ATP13A3: variants seen among roughly 807,000 people sequenced by gnomAD.
The protein encoded by ATP13A3 is ATPase 13A3.
A neutral mutation model predicts 158.1 loss-of-function variants in ATP13A3; 59 were observed. That is an observed-to-expected ratio of 0.37 (90% confidence interval 0.30 to 0.46). The LOEUF (loss-of-function observed/expected upper bound fraction) is 0.46, where lower values mean the gene tolerates loss of function less well. Ranked by LOEUF, ATP13A3 falls within the 20% of genes least tolerant of loss-of-function variation. The pLI, the probability that ATP13A3 is intolerant of heterozygous loss-of-function variation, is 1.00. For missense variants in ATP13A3, 1,166 were observed against 1,525.2 expected, an observed-to-expected ratio of 0.76 and a Z score of 3.92; for synonymous variants, 491 against 504.3, an observed-to-expected ratio of 0.97 and a Z score of 0.35.
chr3:194,455,459 G>C (rs573748008), intron 8 of ATP13A3, among the ~76,000 whole-genome samples: 7 of 152,286 alleles, frequency 4.6e-5, no homozygotes, highest in Non-Finnish European at 7.4e-5. Context: ...CTAAAGATCA[G>C]AGCTAGTTAC....
chr3:194,419,462 G>A (rs898257669), intron 31 of ATP13A3, among the ~76,000 whole-genome samples: 23 of 152,146 alleles, frequency 1.5e-4, no homozygotes, highest in African/African-American at 4.8e-4. Flanking sequence ...ACTTAAATAT[G>A]TGTGCATATT....
chr3:194,467,035 T>C (rs1720035229), intron 2 of ATP13A3, among the ~76,000 whole-genome samples: 1 of 152,244 alleles, frequency 6.6e-6, no homozygotes, highest in Non-Finnish European at 1.5e-5. Context: ...TGTTGGTTTT[T>C]GAATCTTACT....
chr3:194,475,267 T>C (rs1720477077), intron 2 of ATP13A3, among the ~76,000 whole-genome samples: 1 of 152,232 alleles, frequency 6.6e-6, no homozygotes, highest in South Asian at 2.1e-4. Flanking sequence ...ACTTCAGAAT[T>C]ACTGTGCAAT....
intron 4 of ATP13A3, among the ~76,000 whole-genome samples, chr3:194,460,397 A>T (rs1719563485): frequency 6.6e-6 from 1 of 152,196 alleles, no homozygotes; most frequent in South Asian, 2.1e-4. Flanking sequence ...CAGCACCGTA[A>T]CAGACAAGTA....
chr3:194,460,894 A>C, intron 3 of ATP13A3, 63 bp from the exon 4 acceptor site: 1 of 1,509,896 alleles, frequency 6.6e-7, no homozygotes, highest in Non-Finnish European at 9.0e-7. Context: ...GCAGAGAAAC[A>C]CATTCCAAAG....
At chr3:194,493,519 C>T (rs867294010) in intron 2 of ATP13A3, among the ~76,000 whole-genome samples, 3 of 151,874 alleles carry the variant, frequency 2.0e-5, no homozygotes, top group Middle Eastern at 3.4e-3. Context: ...TGATGTCAGG[C>T]ACCTATAATC....
intron 8 of ATP13A3, among the ~76,000 whole-genome samples, chr3:194,455,601 A>C (rs1241684375): frequency 1.3e-5 from 2 of 152,196 alleles, no homozygotes; most frequent in Non-Finnish European, 2.9e-5. Context: ...AAAAGTGTTC[A>C]CCTAATACAA....
intron 8 of ATP13A3, among the ~76,000 whole-genome samples, 198 bp from the exon 9 acceptor site, chr3:194,454,590 A>G (rs552988908): frequency 6.6e-6 from 1 of 151,708 alleles, no homozygotes; most frequent in Non-Finnish European, 1.5e-5. Flanking sequence ...GCACTTTGGG[A>G]GGCCAAGGCG....
intron 2 of ATP13A3, among the ~76,000 whole-genome samples, chr3:194,484,547 A>C (rs1358476641): frequency 6.6e-6 from 1 of 150,622 alleles, no homozygotes; most frequent in Non-Finnish European, 1.5e-5. Flanking sequence ...ATAAGCAGTG[A>C]TGGGGACGCC....
chr3:194,414,803 G>A (rs1251449172), intron 31 of ATP13A3, among the ~76,000 whole-genome samples: 1 of 152,190 alleles, frequency 6.6e-6, no homozygotes, highest in Non-Finnish European at 1.5e-5. Flanking sequence ...AGAACATGAT[G>A]AGCTTAGTTC....
At chr3:194,472,737 G>A (rs915978357) in intron 2 of ATP13A3, among the ~76,000 whole-genome samples, 1 of 152,114 alleles carries the variant, frequency 6.6e-6, no homozygotes, top group Non-Finnish European at 1.5e-5. Flanking sequence ...GCAAAGACAT[G>A]GAATCAACCT....
intron 15 of ATP13A3, among the ~76,000 whole-genome samples, chr3:194,442,159 C>T (rs1229702742): frequency 6.6e-6 from 1 of 152,196 alleles, no homozygotes; most frequent in Non-Finnish European, 1.5e-5. Flanking sequence ...TTGATTACCA[C>T]TGGGGCTCTT....
chr3:194,414,615 G>A lies in ATP13A3; in HGVS notation c.3403-776C>T, dbSNP rs375861726. On this transcript the variant is annotated intron_variant, in intron 31 of 33. Coordinates refer to ENST00000645319, the MANE Select transcript of ATP13A3 (RefSeq NM_001367549.1). ...TTTCTAAGGCCTAAAAAATGGGATA[G>A]TTGTAAAGACAGAAAGGTTTATAAT... 1.1e-4 allele frequency among the ~76,000 whole-genome samples: 17 copies of A among 152,256 alleles called. No homozygotes were observed. The East Asian group carries it at 2.9e-3, about 26-fold the overall frequency.
chr3:194,434,671 C>T (rs1717489875), intron 20 of ATP13A3, among the ~76,000 whole-genome samples: 1 of 152,182 alleles, frequency 6.6e-6, no homozygotes, highest in South Asian at 2.1e-4. Flanking sequence ...AATCCCACCA[C>T]TTTGGGAGGC....
At position 194,420,131 on chromosome 3, in the gene ATP13A3, A is replaced by G. The variant is rs116681972; in HGVS notation, c.3314-164T>C. 1,501 of 695,330 alleles carry G rather than the reference A, an allele frequency of 2.2e-3. 18 individuals are homozygous for G. The African/African-American group carries it at 0.026, about 12-fold the overall frequency. The allele number at this position is 695,330 out of a possible 1,614,324, so 43.1% of individuals were successfully genotyped here. The stretch of plus-strand genomic sequence containing the variant: ...GCTCTGTTATCTCCTGGAGTATGAG[A>G]CATTGTTCGGGGCACCCAAAAGATT... On this transcript the variant is annotated intron_variant, in intron 30 of 33. Coordinates refer to ENST00000645319, the MANE Select transcript of ATP13A3 (RefSeq NM_001367549.1).
intron 30 of ATP13A3, among the ~76,000 whole-genome samples, chr3:194,421,736 T>C (rs955810887): frequency 4.6e-5 from 7 of 151,372 alleles, no homozygotes; most frequent in Non-Finnish European, 8.8e-5. Context: ...TGGTTGGAAG[T>C]ATATAAAAAC....
rs1177381188 is a variant in ATP13A3 at position 194,457,043 on chromosome 3, A to C, written c.560+51T>G. 3 of 1,367,820 alleles carry C rather than the reference A, an allele frequency of 2.2e-6. No homozygotes were observed. In the East Asian group the frequency reaches 6.9e-5, roughly 31 times the overall value. The allele number at this position is 1,367,820 out of a possible 1,614,324, so 84.7% of individuals were successfully genotyped here. ...TGGTAAAGGGTTGATTATGTATACT[A>C]CTGCTTTTAGGAATTTTGAGAAGAT... On this transcript the variant is annotated intron_variant, in intron 7 of 33. Transcript: ENST00000645319.
At chr3:194,465,285 T>G (rs1719920562) in intron 2 of ATP13A3, among the ~76,000 whole-genome samples, 1 of 152,072 alleles carries the variant, frequency 6.6e-6, no homozygotes, top group Non-Finnish European at 1.5e-5. Context: ...AAACTGGAAG[T>G]CTGGGGAAGC....
At chr3:194,413,064 T>G (rs1405679274) in intron 32 of ATP13A3, 6 of 152,252 alleles carry the variant, frequency 3.9e-5, no homozygotes, top group African/African-American at 1.4e-4. Context: ...ATAGTTACTG[T>G]AAGAGTCAAT....
Sources: gnomAD v4.1 joint callset for allele counts (sites outside exome capture counted in the v4.1 genomes callset) on GRCh38, gnomAD v4.1.1 for gene constraint, MANE v1.5 for transcripts, NCBI Gene and HGNC (gene_info 2026-07-23, HGNC 2026-07-21) for gene names.